CADM2: variants seen among roughly 807,000 people sequenced by gnomAD.
CADM2 encodes cell adhesion molecule 2, also known as immunoglobulin superfamily member 4D.
CADM2 carries 12 observed loss-of-function variants against 49.8 expected under a neutral mutation model. That is an observed-to-expected ratio of 0.24 (90% confidence interval 0.15 to 0.39). The LOEUF is 0.39. Ranked by LOEUF, CADM2 falls within the 10% of genes least tolerant of loss-of-function variation. The probability of loss-of-function intolerance (pLI) is 1.00; values close to 1 mark genes in which losing one functional copy is unlikely to be tolerated. For missense variants in CADM2, 378 were observed against 492.3 expected (o/e 0.77, Z 2.20); for synonymous variants, 214 against 175.4 (o/e 1.22, Z -1.74).
intron 1 of CADM2, among the ~76,000 whole-genome samples, chr3:85,392,136 G>A (rs2107400297): frequency 6.6e-6 from 1 of 152,168 alleles, no homozygotes; most frequent in East Asian, 1.9e-4. Context: ...CCAGGACTTT[G>A]AAATTACATT....
intron 1 of CADM2, among the ~76,000 whole-genome samples, chr3:85,147,561 C>T (rs1051288845): frequency 6.6e-6 from 1 of 151,838 alleles, no homozygotes; most frequent in Non-Finnish European, 1.5e-5. Flanking sequence ...TTGATTTATC[C>T]ATATTGGTTT....
rs559795386 is a variant in CADM2 at position 86,015,069 on chromosome 3, AC to A, written c.971-50535del. The A allele has an allele frequency of 2.0e-3, 1,395 of 685,602 alleles. 4 individuals are homozygous for A. The highest frequency in any genetic ancestry group is 3.2e-3 in the Non-Finnish European group (1,258 of 394,346). 42.5% of individuals were successfully genotyped at this position (685,602 alleles called of 1,614,324 possible). On this transcript the variant is annotated intron_variant, in intron 8 of 9. Coordinates refer to ENST00000383699, the MANE Select transcript of CADM2 (RefSeq NM_001167675.2). ...GGCGGACACACACGTTAAACCCTAT[AC>A]AAGTAAGTCAGAGCTTCCCACAGAT...
At chr3:85,123,762 CCA>C (rs1429394073) in intron 1 of CADM2, among the ~76,000 whole-genome samples, 2 of 152,062 alleles carry the variant, frequency 1.3e-5, no homozygotes, top group South Asian at 4.2e-4. Flanking sequence ...TTATCTTATC[CCA>C]CAGATATTCA....
At chr3:85,923,943 A>G (rs1448501507) in intron 6 of CADM2, among the ~76,000 whole-genome samples, 1 of 152,190 alleles carries the variant, frequency 6.6e-6, no homozygotes, top group African/African-American at 2.4e-5. Context: ...AATCATTTGT[A>G]TATATATCCA....
At chr3:86,032,043 T>C (rs1310954864) in intron 8 of CADM2, among the ~76,000 whole-genome samples, 4 of 151,700 alleles carry the variant, frequency 2.6e-5, no homozygotes, top group African/African-American at 7.2e-5. Context: ...ACCAAGATAT[T>C]TTTTTCTTCT....
intron 1 of CADM2, among the ~76,000 whole-genome samples, chr3:85,392,776 T>C (rs889153283): frequency 6.6e-6 from 1 of 152,174 alleles, no homozygotes; most frequent in Admixed American, 6.5e-5. Flanking sequence ...ATTTAAATCC[T>C]ATACTTAATA....
chr3:85,659,292 CT>C (rs1288027574), intron 1 of CADM2, among the ~76,000 whole-genome samples: 1 of 151,714 alleles, frequency 6.6e-6, no homozygotes, highest in South Asian at 2.1e-4. Flanking sequence ...CAGTTTTTCC[CT>C]TTTCTTTCTT....
chr3:85,745,260 T>A (rs1260364242), intron 2 of CADM2, among the ~76,000 whole-genome samples: 1 of 152,156 alleles, frequency 6.6e-6, no homozygotes, highest in Admixed American at 6.5e-5. Context: ...AAATTGAAGT[T>A]GTTAAAAATA....
intron 1 of CADM2, among the ~76,000 whole-genome samples, chr3:85,261,065 A>AT (rs1485003491): frequency 6.6e-5 from 10 of 151,934 alleles, no homozygotes. Flanking sequence ...GTCCTTTTCT[A>AT]TTATCCCTAA....
chr3:85,165,631 A>G (rs2040452275), intron 1 of CADM2, among the ~76,000 whole-genome samples: 1 of 151,904 alleles, frequency 6.6e-6, no homozygotes, highest in Non-Finnish European at 1.5e-5. Flanking sequence ...TAGGAAATGA[A>G]TAAATCTGAT....
intron 1 of CADM2, among the ~76,000 whole-genome samples, chr3:85,512,223 A>G (rs1188216342): frequency 3.3e-5 from 5 of 152,014 alleles, no homozygotes; most frequent in South Asian, 2.1e-4. Context: ...TTTGTACCCA[A>G]TGTTTAGCTC....
intron 1 of CADM2, among the ~76,000 whole-genome samples, chr3:84,975,284 T>A (rs1285433245): frequency 6.6e-6 from 1 of 151,886 alleles, no homozygotes; most frequent in Non-Finnish European, 1.5e-5. Flanking sequence ...TTTAGTACAC[T>A]GGTATCTCTG....
chr3:85,282,802 C>A (rs184893201), intron 1 of CADM2, among the ~76,000 whole-genome samples: 129 of 152,016 alleles, frequency 8.5e-4, no homozygotes, highest in Non-Finnish European at 1.2e-3. Context: ...TGGCTATATA[C>A]GTTCTTCTGT....
At chr3:85,901,698 G>T (rs932702970) in intron 5 of CADM2, among the ~76,000 whole-genome samples, 3 of 151,990 alleles carry the variant, frequency 2.0e-5, no homozygotes, top group African/African-American at 7.3e-5. Flanking sequence ...CAATTTAATA[G>T]TTTTTAGTAA....
intron 1 of CADM2, among the ~76,000 whole-genome samples, chr3:85,481,472 T>G (rs1296934044): frequency 6.6e-6 from 1 of 151,650 alleles, no homozygotes; most frequent in Non-Finnish European, 1.5e-5. Flanking sequence ...TTGGATACAA[T>G]CTACTAACAG....
Position 86,069,818 on chromosome 3 carries a change from G to A in CADM2, c.*3035G>A, listed in dbSNP as rs1396041779. On this transcript the variant is annotated 3_prime_UTR_variant, in exon 10 of 10. Transcript: ENST00000383699. ...TCCTCCGTCAAAATCAAGTCTAAGCGGCATTTTACTTTTCTTTTCTTTTTT... is the reference window on the plus strand; with the variant it reads ...TCCTCCGTCAAAATCAAGTCTAAGCAGCATTTTACTTTTCTTTTCTTTTTT... The A allele has an allele frequency of 1.3e-5, 2 of 151,912 alleles. No individual in the cohort carries two copies. The highest frequency in any genetic ancestry group is 6.6e-5 in the Admixed American group (1 of 15,228). 9.4% of individuals were successfully genotyped at this position (151,912 alleles called of 1,614,324 possible).
chr3:86,060,652 T>C (rs1738524339), intron 8 of CADM2, among the ~76,000 whole-genome samples: 1 of 152,166 alleles, frequency 6.6e-6, no homozygotes, highest in African/African-American at 2.4e-5. Flanking sequence ...ATTAGCAGCA[T>C]GATAACAGAC....
intron 1 of CADM2, among the ~76,000 whole-genome samples, chr3:85,069,661 A>G (rs1054415840): frequency 6.6e-6 from 1 of 152,140 alleles, no homozygotes; most frequent in Non-Finnish European, 1.5e-5. Flanking sequence ...GCCATGCATT[A>G]ACTATCAATA....
chr3:86,023,474 T>C (rs1733471582), intron 8 of CADM2, among the ~76,000 whole-genome samples: 1 of 152,176 alleles, frequency 6.6e-6, no homozygotes, highest in Non-Finnish European at 1.5e-5. Flanking sequence ...TTTTCCTGTC[T>C]TGGCCTCCTG....
Sources: gnomAD v4.1 joint callset for allele counts (sites outside exome capture counted in the v4.1 genomes callset) on GRCh38, gnomAD v4.1.1 for gene constraint, MANE v1.5 for transcripts, NCBI Gene and HGNC (gene_info 2026-07-23, HGNC 2026-07-21) for gene names.